GPBP1: variants seen among roughly 807,000 people sequenced by gnomAD.
GPBP1 encodes the protein GC-rich promoter binding protein 1.
In GPBP1, 13 loss-of-function variants were observed where a neutral mutation model predicts 56.5. That is an observed-to-expected ratio of 0.23 (90% CI 0.15 to 0.37). The LOEUF is 0.37. Ranked by LOEUF, GPBP1 falls within the 10% of genes least tolerant of loss-of-function variation. The probability of loss-of-function intolerance (pLI) is 1.00; values close to 1 mark genes in which losing one functional copy is unlikely to be tolerated. For synonymous variants in GPBP1, 204 were observed against 188.9 expected, an observed-to-expected ratio of 1.08 and a Z score of -0.66; for missense variants, 477 against 572.3, an observed-to-expected ratio of 0.83 and a Z score of 1.70.
chr5:57,259,910 T>A (rs565467057), intron 10 of GPBP1, among the ~76,000 whole-genome samples: 1 of 152,348 alleles, frequency 6.6e-6, no homozygotes, highest in East Asian at 1.9e-4. Flanking sequence ...TGACCTTTGC[T>A]CTTGACTGGT....
chr5:57,175,150 TAAG>T (rs1248881117), intron 1 of GPBP1, among the ~76,000 whole-genome samples: 3 of 152,230 alleles, frequency 2.0e-5, no homozygotes, highest in Non-Finnish European at 2.9e-5. Flanking sequence ...TCAAGAAGTA[TAAG>T]AAGGTTTGCT....
Position 57,262,602 on chromosome 5 carries a change from G to A in GPBP1, c.1272G>A (p.Lys424=). ...EFQVISEQLQ[K]NGLRKNGILK... ...TGCTGTTAACATTTTAGTTACAGAA[G>A]AATGGTCTGAGAAAAAATGGTATTT... is the stretch of plus-strand genomic sequence containing the variant. Residue 424 remains lysine (K), a synonymous_variant, in exon 12 of 12, where the codon AAG becomes AAA. Transcript: ENST00000506184. 6.2e-7 allele frequency: 1 copy of A among 1,611,330 alleles called. No individual in the cohort carries two copies. Among genetic ancestry groups the A allele is most frequent in the Non-Finnish European group, 8.5e-7 (1 of 1,177,730 alleles).
At chr5:57,234,283 G>A (rs980203288) in intron 5 of GPBP1, among the ~76,000 whole-genome samples, 4 of 152,162 alleles carry the variant, frequency 2.6e-5, no homozygotes, top group African/African-American at 9.7e-5. Context: ...TGGAAATTTA[G>A]GATTTTGGAG....
intron 2 of GPBP1, among the ~76,000 whole-genome samples, chr5:57,201,629 A>T (rs1267014461): frequency 6.6e-6 from 1 of 152,190 alleles, no homozygotes; most frequent in Non-Finnish European, 1.5e-5. Flanking sequence ...CCGACACCTA[A>T]GGTGGCCTCT....
chr5:57,179,318 A>G (rs529312207), intron 2 of GPBP1, among the ~76,000 whole-genome samples: 1 of 152,330 alleles, frequency 6.6e-6, no homozygotes, highest in East Asian at 1.9e-4. Flanking sequence ...TGCAGTAACT[A>G]TTTGGGTGAT....
chr5:57,232,738 G>GT (rs1561360110), intron 5 of GPBP1, among the ~76,000 whole-genome samples: 1 of 152,194 alleles, frequency 6.6e-6, no homozygotes, highest in Non-Finnish European at 1.5e-5. Flanking sequence ...CCTTTGTTCG[G>GT]TGTACTCTCA....
chr5:57,229,248 A>G (rs1429686633), intron 3 of GPBP1, among the ~76,000 whole-genome samples: 1 of 72,102 alleles, frequency 1.4e-5, no homozygotes, highest in African/African-American at 4.9e-5. Context: ...AAAAAAAAAA[A>G]AAAAAAAAAA....
chr5:57,255,808 G>A (rs1741631769), intron 10 of GPBP1, among the ~76,000 whole-genome samples: 1 of 152,186 alleles, frequency 6.6e-6, no homozygotes, highest in South Asian at 2.1e-4. Flanking sequence ...CAGAGCAGAT[G>A]TTTAGTGCAG....
chr5:57,192,899 C>G (rs1754588960), intron 2 of GPBP1, among the ~76,000 whole-genome samples: 1 of 152,068 alleles, frequency 6.6e-6, no homozygotes, highest in Admixed American at 6.6e-5. Flanking sequence ...GTTTCAGCTA[C>G]TATTTGACCT....
intron 6 of GPBP1, among the ~76,000 whole-genome samples, chr5:57,240,443 CAT>C (rs1260227634): frequency 6.6e-6 from 1 of 152,226 alleles, no homozygotes; most frequent in Non-Finnish European, 1.5e-5. Flanking sequence ...TTACCCCAAC[CAT>C]TCAGTGTAGG....
At chr5:57,251,283 T>A (rs1741373508) in intron 10 of GPBP1, 142 bp downstream of exon 10, 1 of 686,508 alleles carries the variant, frequency 1.5e-6, no homozygotes, top group Non-Finnish European at 2.4e-6. Flanking sequence ...AGATGGTTTT[T>A]AATATATTCA....
At chr5:57,198,255 C>T (rs1299657923) in intron 2 of GPBP1, among the ~76,000 whole-genome samples, 1 of 152,142 alleles carries the variant, frequency 6.6e-6, no homozygotes, top group Non-Finnish European at 1.5e-5. Context: ...CCTTGGCTTT[C>T]GTTGTCTAGT....
chr5:57,247,567 C>T (rs1741151185), intron 8 of GPBP1, among the ~76,000 whole-genome samples: 1 of 151,930 alleles, frequency 6.6e-6, no homozygotes, highest in African/African-American at 2.4e-5. Flanking sequence ...TGCCTGTGGT[C>T]CCAGATCTTG....
rs1741089653 is a variant in GPBP1 at position 57,246,312 on chromosome 5, A to T, written c.491A>T (p.Asn164Ile). The change falls in exon 7 of 12, where the codon AAT (asparagine) becomes ATT (isoleucine). Residue 164 changes from asparagine (N) to isoleucine (I), a missense_variant. Around this residue, in one of 2 missense-constraint regions of GPBP1, gnomAD observed 414 missense variants for 458.2 expected, o/e 0.90. Transcript: ENST00000506184. ...LAAGVWEYPPNPKSRAPRMLV... is the reference protein window; with the variant it reads ...LAAGVWEYPPIPKSRAPRMLV... ...TTTATTTATGCAGAATATCCTCCGA[A>T]TCCTAAATCTAGAGCTCCAAGGATG... 1 of 1,611,954 alleles carries T rather than the reference A, an allele frequency of 6.2e-7. No homozygotes were observed. The highest frequency in any genetic ancestry group is 8.5e-7 in the Non-Finnish European group (1 of 1,178,944).
At chr5:57,262,162 C>T (rs947075810) in intron 11 of GPBP1, among the ~76,000 whole-genome samples, 4 of 152,120 alleles carry the variant, frequency 2.6e-5, no homozygotes, top group Non-Finnish European at 5.9e-5. Context: ...TTCTCATTTT[C>T]AGAAATAGAG....
At chr5:57,207,528 G>A (rs1580005787) in intron 2 of GPBP1, among the ~76,000 whole-genome samples, 1 of 152,156 alleles carries the variant, frequency 6.6e-6, no homozygotes, top group African/African-American at 2.4e-5. Context: ...GCCCCAGTGG[G>A]CATGTGTTAC....
chr5:57,258,272 C>T (rs1580088006), intron 10 of GPBP1, among the ~76,000 whole-genome samples: 1 of 152,178 alleles, frequency 6.6e-6, no homozygotes, highest in African/African-American at 2.4e-5. Flanking sequence ...TGCTTAATGA[C>T]AGGGATATAT....
Position 57,235,998 on chromosome 5 carries a change from A to G in GPBP1, c.444A>G (p.Pro148=), listed in dbSNP as rs1561362292. ...TAAATCCTGAGTATGAGAGAGAACC[A>G]AATCACAATAAGTCTTTAGCTGCAG... ...PSLNPEYERE[P]NHNKSLAAGV... The change falls in exon 6 of 12, where the codon CCA becomes CCG. Residue 148 remains proline (P), a synonymous_variant. Transcript: ENST00000506184. 1 of 1,612,044 alleles carries G rather than the reference A, an allele frequency of 6.2e-7. No homozygotes were observed. Among genetic ancestry groups the G allele is most frequent in the Middle Eastern group, 1.7e-4 (1 of 6,050 alleles).
At chr5:57,189,087 A>G (rs1245544055) in intron 2 of GPBP1, among the ~76,000 whole-genome samples, 2 of 151,972 alleles carry the variant, frequency 1.3e-5, no homozygotes, top group East Asian at 1.9e-4. Flanking sequence ...CTGCCTCCCA[A>G]GTAGCTGGGA....
Sources: allele counts gnomAD v4.1 joint callset (sites outside exome capture counted in the v4.1 genomes callset), GRCh38; gene constraint gnomAD v4.1.1; regional missense constraint gnomAD v4.1.1; transcripts MANE v1.5; gene names NCBI Gene and HGNC (gene_info 2026-07-23, HGNC 2026-07-21).